HMG20A: variants seen among roughly 807,000 people sequenced by gnomAD.
HMG20A encodes high mobility group protein 20A.
In HMG20A, 17 loss-of-function variants were observed where a neutral mutation model predicts 43.9. That is an observed-to-expected ratio of 0.39 (90% CI 0.27 to 0.58). HMG20A has a LOEUF of 0.58. Among genes scored for constraint, HMG20A ranks in the 20% least tolerant of loss-of-function variants. HMG20A has a pLI of 0.59. For synonymous variants in HMG20A, 132 were observed against 147.5 expected (o/e 0.89, Z 0.76); for missense variants, 341 against 438.2 (o/e 0.78, Z 1.98).
At chr15:77,473,248 A>G (rs1164572030) in intron 6 of HMG20A, among the ~76,000 whole-genome samples, 1 of 152,250 alleles carries the variant, frequency 6.6e-6, no homozygotes, top group Admixed American at 6.5e-5. Flanking sequence ...TGCTCTAATT[A>G]GGATGAAATG....
chr15:77,479,092 C>T (rs1046792084), intron 8 of HMG20A, 87 bp from the exon 9 acceptor site: 53 of 1,291,546 alleles, frequency 4.1e-5, no homozygotes, highest in Non-Finnish European at 5.6e-5. Context: ...GAGCAGACCA[C>T]ATTAGAATCA....
rs1438147289 is a variant in HMG20A, at chr15:77,434,798, G to A, written c.-5+13794G>A. The stretch of plus-strand genomic sequence containing the variant: ...ACTCATATGTTTCTGGTAGGTGTGT[G>A]TATTTTTACAGCCATTTTGGAAAAC... On this transcript the variant is annotated intron_variant, in intron 1 of 9. Coordinates refer to ENST00000336216, the MANE Select transcript of HMG20A (RefSeq NM_001304504.2). Among the ~76,000 whole-genome samples, 12 of 152,014 alleles carry A rather than the reference G, an allele frequency of 7.9e-5. No homozygotes were observed. The East Asian group carries it at 2.3e-3, about 29-fold the overall frequency.
intron 9 of HMG20A, among the ~76,000 whole-genome samples, chr15:77,481,757 A>G (rs920015675): frequency 2.6e-5 from 4 of 152,222 alleles, no homozygotes; most frequent in African/African-American, 4.8e-5. Context: ...CCATGCAAAC[A>G]TAACTAACAA....
rs564972041 is a variant in HMG20A at position 77,454,937 on chromosome 15, T to C, written c.-4-3467T>C. 2.6e-5 allele frequency among the ~76,000 whole-genome samples: 4 copies of C among 152,120 alleles called. No individual in the cohort carries two copies. The South Asian group carries it at 8.3e-4, about 32-fold the overall frequency. ...AGGGTTTTGCATAAAGGCTGTAATATGGAAAATGAGGTTGAGATGGGCAGA... is the reference window on the plus strand; with the variant it reads ...AGGGTTTTGCATAAAGGCTGTAATACGGAAAATGAGGTTGAGATGGGCAGA... On this transcript the variant is annotated intron_variant, in intron 1 of 9. Coordinates refer to ENST00000336216, the MANE Select transcript of HMG20A (RefSeq NM_001304504.2).
the HMG20A span, among the ~76,000 whole-genome samples, chr15:77,516,792 G>T: frequency 6.6e-6 from 1 of 151,324 alleles, no homozygotes; most frequent in Non-Finnish European, 1.5e-5. Context: ...GACAGCAAGC[G>T]CGTAGGCTAG....
chr15:77,455,592 G>T (rs895795847), intron 1 of HMG20A, among the ~76,000 whole-genome samples: 4 of 152,082 alleles, frequency 2.6e-5, no homozygotes, highest in African/African-American at 4.8e-5. Context: ...GGTAACATCT[G>T]CATGATAGAC....
the HMG20A span, among the ~76,000 whole-genome samples, chr15:77,499,910 A>G: frequency 6.6e-6 from 1 of 150,582 alleles, no homozygotes; most frequent in Non-Finnish European, 1.5e-5. Flanking sequence ...GCTCACTGCA[A>G]CCTCCGCCTC....
the HMG20A span, among the ~76,000 whole-genome samples, chr15:77,506,920 T>C: frequency 1.3e-5 from 2 of 152,258 alleles, no homozygotes; most frequent in Non-Finnish European, 1.5e-5. Context: ...TGGGCAGCCC[T>C]GGTGTGGTTC....
chr15:77,495,589 G>A, the HMG20A span, among the ~76,000 whole-genome samples: 2 of 152,194 alleles, frequency 1.3e-5, no homozygotes, highest in Non-Finnish European at 2.9e-5. Context: ...CAGTAAAGTG[G>A]AAAACGGCAT....
chr15:77,466,615 T>C (rs2072759015), intron 3 of HMG20A, among the ~76,000 whole-genome samples: 1 of 152,228 alleles, frequency 6.6e-6, no homozygotes, highest in Non-Finnish European at 1.5e-5. Context: ...CTGCTACAAC[T>C]TGTTTCTTCT....
At chr15:77,429,450 C>A (rs997247472) in intron 1 of HMG20A, among the ~76,000 whole-genome samples, 3 of 152,114 alleles carry the variant, frequency 2.0e-5, no homozygotes, top group Admixed American at 6.5e-5. Flanking sequence ...TCCTATACTT[C>A]ATAGCTTTAA....
At chr15:77,458,201 G>T in intron 1 of HMG20A, 1 of 415,158 alleles carries the variant, frequency 2.4e-6, no homozygotes, top group Non-Finnish European at 4.3e-6. Context: ...TTTCAGTCTG[G>T]TCAGTTGATA....
chr15:77,515,410 T>C, the HMG20A span, among the ~76,000 whole-genome samples: 1 of 87,000 alleles, frequency 1.1e-5, no homozygotes, highest in African/African-American at 3.2e-5. Flanking sequence ...TATTTTTAAA[T>C]ATTTATTTAT....
chr15:77,447,645 A>G (rs982611910), intron 1 of HMG20A: 2 of 152,234 alleles, frequency 1.3e-5, no homozygotes, highest in Non-Finnish European at 2.9e-5. Flanking sequence ...GGAGAAAAAA[A>G]TCATAAAGAT....
intron 1 of HMG20A, among the ~76,000 whole-genome samples, chr15:77,447,487 T>C (rs1037745777): frequency 1.7e-4 from 26 of 152,186 alleles, no homozygotes; most frequent in African/African-American, 6.3e-4. Flanking sequence ...GCAAAAGGCA[T>C]ATACAGTGAT....
At position 77,454,692 on chromosome 15, in the gene HMG20A, C is replaced by A. The variant is rs146779593; in HGVS notation, c.-4-3712C>A. ...TTCTAGTGTATAGAAAGATGTAGTG[C>A]AAGGGAATTGAGTATTGGCAAAAGA... On this transcript the variant is annotated intron_variant, in intron 1 of 9. Transcript: ENST00000336216. 6.9e-3 allele frequency among the ~76,000 whole-genome samples: 1,053 copies of A among 152,062 alleles called. 9 individuals carry two copies. The highest frequency in any genetic ancestry group is 0.024 in the African/African-American group (1,004 of 41,472).
the HMG20A span, among the ~76,000 whole-genome samples, chr15:77,508,135 G>A: frequency 2.0e-5 from 3 of 152,198 alleles, no homozygotes; most frequent in African/African-American, 7.2e-5. Flanking sequence ...AGTGAGGTTG[G>A]GAGGAGGGAC....
At chr15:77,517,119 A>G in the HMG20A span, among the ~76,000 whole-genome samples, 1 of 152,182 alleles carries the variant, frequency 6.6e-6, no homozygotes, top group Non-Finnish European at 1.5e-5. Context: ...GGCCAGGCCC[A>G]CTTGCCTGTC....
chr15:77,440,644 A>G (rs1318191811), intron 1 of HMG20A, among the ~76,000 whole-genome samples: 1 of 152,146 alleles, frequency 6.6e-6, no homozygotes, highest in Non-Finnish European at 1.5e-5. Context: ...ATTATAATAT[A>G]TACTTCCACA....
Sources: gnomAD v4.1 joint callset for allele counts (sites outside exome capture counted in the v4.1 genomes callset) on GRCh38, gnomAD v4.1.1 for gene constraint, MANE v1.5 for transcripts, NCBI Gene and HGNC (gene_info 2026-07-23, HGNC 2026-07-21) for gene names.